The following GABRG3 variants were observed in gnomAD, a reference collection of about 807,000 sequenced individuals.
GABRG3 encodes gamma-aminobutyric acid receptor subunit gamma-3.
In GABRG3, 25 loss-of-function variants were observed where a neutral mutation model predicts 48.8. The ratio of observed to expected loss-of-function variants is 0.51; its 90% CI spans 0.37 to 0.72. The LOEUF (loss-of-function observed/expected upper bound fraction) is 0.72. Ranked by LOEUF, GABRG3 falls within the 30% of genes least tolerant of loss-of-function variation. GABRG3 has a pLI of 0.00. For missense variants in GABRG3, 394 were observed against 577.9 expected (o/e 0.68, Z 3.26); for synonymous variants, 227 against 217.6 (o/e 1.04, Z -0.38).
intron 3 of GABRG3, among the ~76,000 whole-genome samples, chr15:27,152,804 A>G (rs1898341556): frequency 6.6e-6 from 1 of 152,068 alleles, no homozygotes; most frequent in Admixed American, 6.5e-5. Flanking sequence ...GGAGCATCCT[A>G]CAATTCAATT....
At chr15:27,451,562 G>T (rs1172671355) in intron 5 of GABRG3, among the ~76,000 whole-genome samples, 1 of 152,010 alleles carries the variant, frequency 6.6e-6, no homozygotes. Flanking sequence ...AATCTTAAAG[G>T]TAAGAACTGA....
rs752278498 is a variant in GABRG3 at position 27,179,658 on chromosome 15, C to T, written c.271-147151C>T. Among the ~76,000 whole-genome samples, 35 of 152,212 alleles carry T rather than the reference C, an allele frequency of 2.3e-4. No individual in the cohort carries two copies. Among genetic ancestry groups the T allele is most frequent in the East Asian group, 1.2e-3 (6 of 5,186 alleles). On this transcript the variant is annotated intron_variant, in intron 3 of 9. Coordinates refer to ENST00000615808, the MANE Select transcript of GABRG3 (RefSeq NM_033223.5). The surrounding 1 kb of genome is among the most constrained non-coding windows in gnomAD (Gnocchi z 4.0). ...GAACCCTCGAGTCCTGTTGTCCTGC[C>T]GGGGGTCCATTCATCTTGTATCTTC...
At chr15:27,035,661 C>G (rs1896164305) in intron 3 of GABRG3, among the ~76,000 whole-genome samples, 1 of 152,220 alleles carries the variant, frequency 6.6e-6, no homozygotes, top group African/African-American at 2.4e-5. Flanking sequence ...ACAGGCCCCA[C>G]TTGCCTAGAG....
At chr15:27,437,032 A>AGAGC (rs757526143) in intron 5 of GABRG3, among the ~76,000 whole-genome samples, 17 of 144,952 alleles carry the variant, frequency 1.2e-4, no homozygotes, top group Non-Finnish European at 2.4e-4. Flanking sequence ...AGAGAGAGAG[A>AGAGC]GCGCCCACAT....
At chr15:27,250,852 C>T (rs1480640316) in intron 3 of GABRG3, among the ~76,000 whole-genome samples, 2 of 151,602 alleles carry the variant, frequency 1.3e-5, no homozygotes, top group East Asian at 1.9e-4. Context: ...AAGGAGAGGA[C>T]GTGGACGGCA....
chr15:27,461,065 G>A (rs570896689), intron 5 of GABRG3, among the ~76,000 whole-genome samples: 1 of 152,176 alleles, frequency 6.6e-6, no homozygotes, highest in African/African-American at 2.4e-5. Context: ...TTGTACACAC[G>A]AGATTGTTTT....
Position 27,532,922 on chromosome 15 carries a change from C to T in GABRG3, c.*41C>T. ...AAGAGTGAAGAGCATTTGGTACACA[C>T]TTGACCTTCTGTCGTCCCCAGACCA... On this transcript the variant is annotated 3_prime_UTR_variant, in exon 10 of 10. Coordinates refer to ENST00000615808, the MANE Select transcript of GABRG3 (RefSeq NM_033223.5). 1 of 1,586,946 alleles carries T rather than the reference C, an allele frequency of 6.3e-7. No homozygotes were observed. The highest frequency in any genetic ancestry group is 8.6e-7 in the Non-Finnish European group (1 of 1,165,100).
At chr15:27,002,126 A>G (rs1348324000) in intron 2 of GABRG3, among the ~76,000 whole-genome samples, 2 of 152,236 alleles carry the variant, frequency 1.3e-5, no homozygotes, top group Admixed American at 1.3e-4. Context: ...ATAGACTTCA[A>G]AAATAGTCAG....
intron 2 of GABRG3, among the ~76,000 whole-genome samples, chr15:27,011,514 C>G (rs1245136855): frequency 6.6e-6 from 1 of 152,136 alleles, no homozygotes; most frequent in African/African-American, 2.4e-5. Flanking sequence ...AATATGTTTT[C>G]CAATCTGCTA....
At position 27,525,014 on chromosome 15, in the gene GABRG3, G is replaced by A. The variant is rs76712741; in HGVS notation, c.866-2419G>A. ...ATGACATTATTACACTGACATGAAT[G>A]TTCATGTAATCACCAGGAACTGGAA... On this transcript the variant is annotated intron_variant, in intron 7 of 9. Coordinates refer to ENST00000615808, the MANE Select transcript of GABRG3 (RefSeq NM_033223.5). Among the ~76,000 whole-genome samples the A allele has an allele frequency of 5.2e-4, 79 of 152,228 alleles. 1 individual carries two copies. In the East Asian group the frequency reaches 0.011, roughly 22 times the overall value.
intron 3 of GABRG3, among the ~76,000 whole-genome samples, chr15:27,303,798 T>TTGTG (rs535260016): frequency 3.3e-5 from 5 of 149,806 alleles, no homozygotes; most frequent in African/African-American, 1.2e-4. Flanking sequence ...ATATATCTAT[T>TTGTG]TGTGTGTGTG....
intron 5 of GABRG3, among the ~76,000 whole-genome samples, chr15:27,400,330 C>T (rs993249412): frequency 1.3e-5 from 2 of 152,138 alleles, no homozygotes; most frequent in African/African-American, 4.8e-5. Flanking sequence ...CAAGATACCT[C>T]ACATTTTGTA....
At chr15:27,132,470 A>AGGTTTTT (rs78836895) in intron 3 of GABRG3, among the ~76,000 whole-genome samples, 1 of 32,382 alleles carries the variant, frequency 3.1e-5, no homozygotes, top group Admixed American at 3.1e-4. Context: ...CAGTAGTTAC[A>AGGTTTTT]GTTTTTTTTT....
chr15:27,517,657 T>A (rs1891054707), intron 6 of GABRG3, among the ~76,000 whole-genome samples: 2 of 152,216 alleles, frequency 1.3e-5, no homozygotes, highest in Non-Finnish European at 1.5e-5. Flanking sequence ...CTAGGGTGAT[T>A]TATTGTCCTT....
chr15:27,409,397 C>A (rs1887732928), intron 5 of GABRG3, among the ~76,000 whole-genome samples: 1 of 151,968 alleles, frequency 6.6e-6, no homozygotes, highest in Admixed American at 6.6e-5. Context: ...AAAAAAAAAT[C>A]GCTTAGACAT....
intron 3 of GABRG3, among the ~76,000 whole-genome samples, chr15:27,284,522 A>G (rs1288943074): frequency 6.6e-6 from 1 of 152,182 alleles, no homozygotes; most frequent in Non-Finnish European, 1.5e-5. Context: ...TCTCTCTCAC[A>G]CACACTGTCC....
intron 5 of GABRG3, among the ~76,000 whole-genome samples, chr15:27,466,319 T>C (rs1889609019): frequency 1.3e-5 from 2 of 152,166 alleles, no homozygotes; most frequent in African/African-American, 4.8e-5. Context: ...AACTGATGAT[T>C]CCCCTGAGTC....
At chr15:27,123,429 C>T (rs1897765191) in intron 3 of GABRG3, among the ~76,000 whole-genome samples, 1 of 152,180 alleles carries the variant, frequency 6.6e-6, no homozygotes, top group African/African-American at 2.4e-5. Flanking sequence ...GGAACTCACT[C>T]ACTCCTTCCA....
chr15:27,229,619 G>A (rs1453655292), intron 3 of GABRG3, among the ~76,000 whole-genome samples: 3 of 152,090 alleles, frequency 2.0e-5, no homozygotes, highest in Non-Finnish European at 4.4e-5. Flanking sequence ...TGGGATTACA[G>A]GGGTGCACCA....
Sources: gnomAD v4.1 joint callset for allele counts (sites outside exome capture counted in the v4.1 genomes callset) on GRCh38, gnomAD v4.1.1 for gene constraint, Gnocchi (gnomAD v3.1) non-coding constraint, MANE v1.5 for transcripts, NCBI Gene and HGNC (gene_info 2026-07-23, HGNC 2026-07-21) for gene names.